The following PDE4D variants were observed in gnomAD, a reference collection of about 807,000 sequenced individuals.
PDE4D encodes the protein phosphodiesterase 4D, also known as 3',5'-cyclic-AMP phosphodiesterase 4D.
In PDE4D, 24 loss-of-function variants were observed where a neutral mutation model predicts 87.4. The ratio of observed to expected loss-of-function variants is 0.27; its 90% CI spans 0.20 to 0.39. The LOEUF is 0.39. Among genes scored for constraint, PDE4D ranks in the 10% least tolerant of loss-of-function variants. The pLI, the probability that PDE4D is intolerant of heterozygous loss-of-function variation, is 1.00. For missense variants in PDE4D, 714 were observed against 1,041.0 expected (o/e 0.69, Z 4.32); for synonymous variants, 384 against 383.2 (o/e 1.00, Z -0.02).
intron 11 of PDE4D, among the ~76,000 whole-genome samples, chr5:58,984,034 G>GACTT (rs1452162348): frequency 2.0e-5 from 3 of 151,680 alleles, no homozygotes; most frequent in South Asian, 2.1e-4. Flanking sequence ...CTGTAAGTAA[G>GACTT]ACTTACACTC....
At chr5:60,455,824 T>C (rs1489965320) in intron 1 of PDE4D, among the ~76,000 whole-genome samples, 1 of 152,164 alleles carries the variant, frequency 6.6e-6, no homozygotes, top group Non-Finnish European at 1.5e-5. Flanking sequence ...CAAGGACCTC[T>C]GCGATCAAGT....
intron 1 of PDE4D, among the ~76,000 whole-genome samples, chr5:59,431,960 AT>A (rs1467735852): frequency 3.9e-5 from 6 of 152,092 alleles, no homozygotes; most frequent in Admixed American, 3.9e-4. Context: ...ACACGCTCTC[AT>A]TCTTTTTTAT....
intron 11 of PDE4D, among the ~76,000 whole-genome samples, chr5:58,985,759 A>C (rs1377320204): frequency 6.6e-6 from 1 of 152,232 alleles, no homozygotes; most frequent in Non-Finnish European, 1.5e-5. Context: ...AAATATAAAA[A>C]GTCAAATTTT....
At chr5:59,241,892 A>C (rs924180575) in intron 1 of PDE4D, among the ~76,000 whole-genome samples, 2 of 152,200 alleles carry the variant, frequency 1.3e-5, no homozygotes, top group Non-Finnish European at 2.9e-5. Flanking sequence ...AAATAGCCAC[A>C]AATTGAATAG....
chr5:59,534,242 A>C (rs1225170164), intron 1 of PDE4D, among the ~76,000 whole-genome samples: 2 of 152,220 alleles, frequency 1.3e-5, no homozygotes, highest in Non-Finnish European at 2.9e-5. Flanking sequence ...AAAATCAAAC[A>C]GACAAGCCAA....
chr5:59,157,716 C>A (rs1780464575), intron 5 of PDE4D, among the ~76,000 whole-genome samples: 1 of 152,132 alleles, frequency 6.6e-6, no homozygotes, highest in African/African-American at 2.4e-5. Context: ...AGACTTAAAG[C>A]AACAAGACTT....
chr5:59,552,606 A>T (rs2153688396), intron 1 of PDE4D, among the ~76,000 whole-genome samples: 1 of 152,276 alleles, frequency 6.6e-6, no homozygotes, highest in South Asian at 2.1e-4. Context: ...TTCTGTTGCT[A>T]TTTCACTGCA....
At chr5:59,341,881 G>A (rs1034636852) in intron 1 of PDE4D, among the ~76,000 whole-genome samples, 27 of 152,160 alleles carry the variant, frequency 1.8e-4, no homozygotes, top group African/African-American at 6.3e-4. Flanking sequence ...AACGCTAGCT[G>A]ATGTGAGCTG....
rs1554033692 is a variant in PDE4D at position 58,975,886 on chromosome 5, T to TTA, written c.1831-48_1831-47insTA. On this transcript the variant is annotated intron_variant, in intron 13 of 14. Transcript: ENST00000340635. The surrounding 1 kb of genome is among the most constrained non-coding windows in gnomAD (Gnocchi z 4.2). ...TCTATTCACTCCTGTTCCTTTTTTTTAAAAAAAAAAACAAAAAAAACTAGA... is the reference window on the plus strand; with the variant it reads ...TCTATTCACTCCTGTTCCTTTTTTTTTAAAAAAAAAAAACAAAAAAAACTAGA... The TTA allele has an allele frequency of 8.1e-5, 86 of 1,067,474 alleles. No homozygotes were observed. Among genetic ancestry groups the TTA allele is most frequent in the Non-Finnish European group, 9.0e-5 (72 of 797,938 alleles). 66.1% of individuals were successfully genotyped at this position (1,067,474 alleles called of 1,614,324 possible).
At chr5:59,113,551 A>G (rs528813282) in intron 5 of PDE4D, among the ~76,000 whole-genome samples, 1 of 152,228 alleles carries the variant, frequency 6.6e-6, no homozygotes, top group Non-Finnish European at 1.5e-5. Flanking sequence ...GACACTATCT[A>G]TCAAAATTTC....
At chr5:59,614,633 A>G (rs910775987) in intron 1 of PDE4D, among the ~76,000 whole-genome samples, 2 of 152,180 alleles carry the variant, frequency 1.3e-5, no homozygotes, top group African/African-American at 4.8e-5. Context: ...AGACAAGATT[A>G]TGTATTTTAA....
intron 1 of PDE4D, among the ~76,000 whole-genome samples, chr5:60,478,760 T>C (rs1748510866): frequency 6.6e-6 from 1 of 152,214 alleles, no homozygotes. Flanking sequence ...ATATGCTGTT[T>C]GAAGAGGCTT....
chr5:60,323,781 C>T (rs1417040365), intron 1 of PDE4D, among the ~76,000 whole-genome samples: 2 of 151,772 alleles, frequency 1.3e-5, no homozygotes, highest in South Asian at 2.1e-4. Flanking sequence ...CCCGCAGCCT[C>T]TCTCTCCTGA....
chr5:59,360,772 T>C (rs1782082498), intron 1 of PDE4D, among the ~76,000 whole-genome samples: 1 of 152,184 alleles, frequency 6.6e-6, no homozygotes, highest in Non-Finnish European at 1.5e-5. Context: ...GAGACAATTA[T>C]TTTAAGACTT....
intron 1 of PDE4D, among the ~76,000 whole-genome samples, chr5:59,686,278 T>C (rs1210101859): frequency 6.6e-6 from 1 of 152,174 alleles, no homozygotes; most frequent in East Asian, 1.9e-4. Flanking sequence ...CTTTGCATAT[T>C]TTCCCATTTA....
At chr5:59,988,643 C>A (rs1408713357) in exon 3 of PDE4D, 1 of 1,599,238 alleles carries the variant, frequency 6.3e-7, no homozygotes, top group African/African-American at 1.3e-5. Context: ...ATGAAAGTCT[C>A]CGGACAAGAT....
At chr5:60,305,544 C>T (rs1351756566) in intron 1 of PDE4D, among the ~76,000 whole-genome samples, 1 of 151,772 alleles carries the variant, frequency 6.6e-6, no homozygotes, top group Non-Finnish European at 1.5e-5. Flanking sequence ...AAATACACAT[C>T]CCAAGAAAAC....
At chr5:59,157,008 A>G (rs1780336713) in intron 5 of PDE4D, 1 of 146,856 alleles carries the variant, frequency 6.8e-6, no homozygotes, top group Non-Finnish European at 1.1e-5. Context: ...GGATTTCTTC[A>G]TTAATTAAAA....
At chr5:59,525,405 G>A (rs575823679) in intron 1 of PDE4D, among the ~76,000 whole-genome samples, 1 of 152,350 alleles carries the variant, frequency 6.6e-6, no homozygotes, top group African/African-American at 2.4e-5. Context: ...CATTTGGAAT[G>A]AGTGTATTTA....
Sources: gnomAD v4.1 joint callset for allele counts (sites outside exome capture counted in the v4.1 genomes callset) on GRCh38, gnomAD v4.1.1 for gene constraint, Gnocchi (gnomAD v3.1) non-coding constraint, MANE v1.5 for transcripts, NCBI Gene and HGNC (gene_info 2026-07-23, HGNC 2026-07-21) for gene names.